The following IL13 variants were observed in gnomAD, a reference collection of about 807,000 sequenced individuals.
IL13 encodes the protein interleukin 13.
IL13 carries 9 observed loss-of-function variants against 11.1 expected under a neutral mutation model. The observed-to-expected ratio is 0.81, with a 90% CI of 0.49 to 1.42. The LOEUF (loss-of-function observed/expected upper bound fraction) is 1.42. Ranked by LOEUF, IL13 falls within the 40% of genes most tolerant of loss-of-function variation. The pLI, the probability that IL13 is intolerant of heterozygous loss-of-function variation, is 0.00. For missense variants in IL13, 181 were observed against 182.5 expected, an observed-to-expected ratio of 0.99 and a Z score of 0.05; for synonymous variants, 75 against 76.9, an observed-to-expected ratio of 0.97 and a Z score of 0.13.
chr5:132,657,358 A>G (rs1194047336), upstream of IL13: 2 of 152,272 alleles, frequency 1.3e-5, no homozygotes, highest in African/African-American at 4.8e-5. Flanking sequence ...AGGATGGCCC[A>G]TACACTTTAA....
In IL13 at chr5:132,659,108, C is replaced by A. The variant is rs887277958; in HGVS notation, c.175-310C>A. On this transcript the variant is annotated intron_variant, in intron 1 of 3. Transcript: ENST00000304506. The surrounding 1 kb of genome is among the most constrained non-coding windows in gnomAD (Gnocchi z 4.1). ...GCCACTCCTACTTCACTCGTCCCCA[C>A]CCTGGCCCTTCCCGCAGGCCCCTGT... 4 of 386,166 alleles carry A rather than the reference C, an allele frequency of 1.0e-5. No homozygotes were observed. Among genetic ancestry groups the A allele is most frequent in the Non-Finnish European group, 2.0e-5 (4 of 202,748 alleles). 23.9% of individuals were successfully genotyped at this position (386,166 alleles called of 1,614,324 possible).
chr5:132,659,515 G>A lies in IL13; in HGVS notation c.228+44G>A, dbSNP rs200375404. On this transcript the variant is annotated intron_variant, in intron 2 of 3. Coordinates refer to ENST00000304506, the MANE Select transcript of IL13 (RefSeq NM_002188.3). This position sits in a 1 kb window ranked among gnomAD's most constrained non-coding sequence, Gnocchi z 4.1. Reference sequence around the variant, plus strand: ...AGGGAGGATGGGGCAGAGGCTCCAGGCCTTGGGCTTATCTTCTCTGAGCCT... The same window carrying A: ...AGGGAGGATGGGGCAGAGGCTCCAGACCTTGGGCTTATCTTCTCTGAGCCT... The A allele has an allele frequency of 1.1e-5, 17 of 1,581,704 alleles. No individual in the cohort carries two copies. Among genetic ancestry groups the A allele is most frequent in the African/African-American group, 1.3e-5 (1 of 74,406 alleles).
Position 132,659,883 on chromosome 5 carries a change from G to A in IL13, c.333+55G>A. 6.3e-7 allele frequency: 1 copy of A among 1,592,220 alleles called. No individual in the cohort carries two copies. ...CCCTGCACCCCCTCCTGCCAACCCT[G>A]GGCTCGCTGAAGGGAAGCTGGCTGA... On this transcript the variant is annotated intron_variant, in intron 3 of 3. Coordinates refer to ENST00000304506, the MANE Select transcript of IL13 (RefSeq NM_002188.3). This position sits in a 1 kb window ranked among gnomAD's most constrained non-coding sequence, Gnocchi z 4.1.
upstream of IL13, chr5:132,658,116 T>C: frequency 1.3e-6 from 1 of 769,140 alleles, no homozygotes. Flanking sequence ...GCAGAGACCA[T>C]GGTGTCAGGC....
chr5:132,660,604 C>A lies in IL13; in HGVS notation c.*322C>A. The stretch of plus-strand genomic sequence containing the variant: ...TACAGTGGGTGCCCCCCTTGCCAGA[C>A]ATGTGGTGGGACAGGGACCCACTTC... On this transcript the variant is annotated 3_prime_UTR_variant, in exon 4 of 4. Coordinates refer to ENST00000304506, the MANE Select transcript of IL13 (RefSeq NM_002188.3). The A allele has an allele frequency of 3.9e-6, 1 of 259,202 alleles. No homozygotes were observed. The highest frequency in any genetic ancestry group is 7.4e-6 in the Non-Finnish European group (1 of 134,406). The allele number at this position is 259,202 out of a possible 1,614,324, so 16.1% of individuals were successfully genotyped here. A position where few individuals can be genotyped will look rare whatever the true frequency, so the allele number is the denominator to read the frequency against.
At chr5:132,657,462 G>C (rs55650044), upstream of IL13, among the ~76,000 whole-genome samples, 45 of 152,164 alleles carry the variant, frequency 3.0e-4, no homozygotes, top group Admixed American at 7.8e-4. Flanking sequence ...GGCCAGCCTA[G>C]GCAGGCAACA....
In IL13 at chr5:132,659,613, G is replaced by A. The variant is rs552473475; in HGVS notation, c.229-111G>A. 47 of 1,586,200 alleles carry A rather than the reference G, an allele frequency of 3.0e-5. No homozygotes were observed. Among genetic ancestry groups the A allele is most frequent in the African/African-American group, 2.0e-4 (15 of 74,284 alleles). On this transcript the variant is annotated intron_variant, in intron 2 of 3. Transcript: ENST00000304506. The surrounding 1 kb of genome is among the most constrained non-coding windows in gnomAD (Gnocchi z 4.1). Reference sequence around the variant, plus strand: ...TCCCGCCATAATCTGGCCCCTTCCCGCCCACCACCCAGACTCACCTGCGCC... The same window carrying A: ...TCCCGCCATAATCTGGCCCCTTCCCACCCACCACCCAGACTCACCTGCGCC...
chr5:132,661,040 G>C lies in IL13; in HGVS notation c.*758G>C, dbSNP rs1752149292. On this transcript the variant is annotated 3_prime_UTR_variant, in exon 4 of 4. Transcript: ENST00000304506. ...TATAGAAGGGTACCTTGAACACTGG[G>C]GGAGGGGACATTGAACAAGTTGTTT... The C allele has an allele frequency of 6.6e-6, 1 of 152,472 alleles. No individual in the cohort carries two copies. Among genetic ancestry groups the C allele is most frequent in the Non-Finnish European group, 1.5e-5 (1 of 68,060 alleles). 9.4% of individuals were successfully genotyped at this position (152,472 alleles called of 1,614,324 possible). A position where few individuals can be genotyped will look rare whatever the true frequency, so the allele number is the denominator to read the frequency against.
In IL13 at chr5:132,659,108, C is replaced by T; in HGVS notation, c.175-310C>T. 2.6e-6 allele frequency: 1 copy of T among 386,284 alleles called. No individual in the cohort carries two copies. 23.9% of individuals were successfully genotyped at this position (386,284 alleles called of 1,614,324 possible). On this transcript the variant is annotated intron_variant, in intron 1 of 3. Transcript: ENST00000304506. This position sits in a 1 kb window ranked among gnomAD's most constrained non-coding sequence, Gnocchi z 4.1. ...GCCACTCCTACTTCACTCGTCCCCACCCTGGCCCTTCCCGCAGGCCCCTGT... is the reference window on the plus strand; with the variant it reads ...GCCACTCCTACTTCACTCGTCCCCATCCTGGCCCTTCCCGCAGGCCCCTGT...
chr5:132,657,952 G>A (rs945322933), upstream of IL13, among the ~76,000 whole-genome samples: 2 of 152,154 alleles, frequency 1.3e-5, no homozygotes, highest in African/African-American at 4.8e-5. Context: ...GCCTGCCGCT[G>A]GAATTAAACC....
In IL13 at chr5:132,659,444, A is replaced by G; in HGVS notation, c.201A>G (p.Val67=). The G allele has an allele frequency of 6.2e-7, 1 of 1,612,004 alleles. No homozygotes were observed. The highest frequency in any genetic ancestry group is 8.5e-7 in the Non-Finnish European group (1 of 1,178,918). Residue 67 remains valine, a synonymous_variant, in exon 2 of 4, where the codon GTA becomes GTG. Transcript: ENST00000304506. This position sits in a 1 kb window ranked among gnomAD's most constrained non-coding sequence, Gnocchi z 4.1. ...QKAPLCNGSM[V]WSINLTAGMY... Reference sequence around the variant, plus strand: ...CTCCGCTCTGCAATGGCAGCATGGTATGGAGCATCAACCTGACAGCTGGCA... The same window carrying G: ...CTCCGCTCTGCAATGGCAGCATGGTGTGGAGCATCAACCTGACAGCTGGCA...
chr5:132,660,269 G>A lies in IL13; in HGVS notation c.428G>A (p.Gly143Glu), dbSNP rs1365650729. ...CATTTAAAGAAACTTTTTCGCGAGG[G>A]ACAGTTCAACTGAAACTTCGAAAGC... The part of the protein sequence containing the change: ...LLHLKKLFRE[G>E]QFN The change falls in exon 4 of 4, where the codon GGA becomes GAA. Residue 143 changes from glycine to glutamate, a missense_variant. By Grantham distance (98) the Gly-to-Glu change is moderately conservative. Transcript: ENST00000304506. The A allele has an allele frequency of 1.2e-6, 2 of 1,613,898 alleles. No homozygotes were observed. The highest frequency in any genetic ancestry group is 2.7e-5 in the African/African-American group (2 of 74,924).
chr5:132,658,039 C>T, upstream of IL13: 1 of 563,484 alleles, frequency 1.8e-6, no homozygotes, highest in South Asian at 2.5e-5. Context: ...CTTTATGCGA[C>T]ACTGGATTTT....
intron 1 of IL13, chr5:132,658,769 C>T (rs951530716): frequency 2.6e-5 from 5 of 189,192 alleles, no homozygotes; most frequent in Non-Finnish European, 4.4e-5. Flanking sequence ...CAGGAGGATT[C>T]CTTAGTAGAG....
chr5:132,659,169 C>T lies in IL13; in HGVS notation c.175-249C>T, dbSNP rs776940401. 2.0e-6 allele frequency: 1 copy of T among 501,556 alleles called. No homozygotes were observed. Among genetic ancestry groups the T allele is most frequent in the Non-Finnish European group, 3.7e-6 (1 of 273,146 alleles). The allele number at this position is 501,556 out of a possible 1,614,324, so 31.1% of individuals were successfully genotyped here. Reference sequence around the variant, plus strand: ...TGACTATGGCAAGCCTTGCATGCAGCTTGTCCCTTACTAGTGGTGTCAATT... The same window carrying T: ...TGACTATGGCAAGCCTTGCATGCAGTTTGTCCCTTACTAGTGGTGTCAATT... On this transcript the variant is annotated intron_variant, in intron 1 of 3. Transcript: ENST00000304506. This position sits in a 1 kb window ranked among gnomAD's most constrained non-coding sequence, Gnocchi z 4.1.
In IL13 at chr5:132,659,044, C is replaced by T. The variant is rs1169710372; in HGVS notation, c.175-374C>T. On this transcript the variant is annotated intron_variant, in intron 1 of 3. Coordinates refer to ENST00000304506, the MANE Select transcript of IL13 (RefSeq NM_002188.3). This position sits in a 1 kb window ranked among gnomAD's most constrained non-coding sequence, Gnocchi z 4.1. ...GGCATTTAATACACCAGATCCCCAC[C>T]GCCTCCCATCTGATTTGTCTTGGTC... The T allele has an allele frequency of 4.1e-5, 11 of 265,214 alleles. No individual in the cohort carries two copies. Among genetic ancestry groups the T allele is most frequent in the South Asian group, 3.2e-4 (6 of 18,886 alleles). 16.4% of individuals were successfully genotyped at this position (265,214 alleles called of 1,614,324 possible).
Position 132,659,702 on chromosome 5 carries a change from C to A in IL13, c.229-22C>A, listed in dbSNP as rs201469726. The A allele has an allele frequency of 1.1e-5, 17 of 1,611,744 alleles. No homozygotes were observed. The East Asian group carries it at 3.3e-4, about 32-fold the overall frequency. Reference sequence around the variant, plus strand: ...GCAGCTGCCCAAGCAGGGCCTGACCCCTCGGTGTCCCCTCCCCACAGTACT... The same window carrying A: ...GCAGCTGCCCAAGCAGGGCCTGACCACTCGGTGTCCCCTCCCCACAGTACT... On this transcript the variant is annotated intron_variant, in intron 2 of 3. Transcript: ENST00000304506. The surrounding 1 kb of genome is among the most constrained non-coding windows in gnomAD (Gnocchi z 4.1).
In IL13 at chr5:132,659,652, C is replaced by T; in HGVS notation, c.229-72C>T. On this transcript the variant is annotated intron_variant, in intron 2 of 3. Transcript: ENST00000304506. This position sits in a 1 kb window ranked among gnomAD's most constrained non-coding sequence, Gnocchi z 4.1. ...CTCACCTGCGCCAGGCATCTCAGCCCCATCTTCCTGCAGACTCACAAAAGG... is the reference window on the plus strand; with the variant it reads ...CTCACCTGCGCCAGGCATCTCAGCCTCATCTTCCTGCAGACTCACAAAAGG... 6.2e-7 allele frequency: 1 copy of T among 1,600,742 alleles called. No homozygotes were observed. Among genetic ancestry groups the T allele is most frequent in the African/African-American group, 1.3e-5 (1 of 74,842 alleles).
At chr5:132,658,747 G>T in intron 1 of IL13, 1 of 194,170 alleles carries the variant, frequency 5.2e-6, no homozygotes, top group Non-Finnish European at 1.1e-5. Flanking sequence ...CACCATCATA[G>T]GCCCGCCCTT....
Sources: allele counts gnomAD v4.1 joint callset (sites outside exome capture counted in the v4.1 genomes callset), GRCh38; gene constraint gnomAD v4.1.1; non-coding constraint Gnocchi (gnomAD v3.1); transcripts MANE v1.5; gene names NCBI Gene and HGNC (gene_info 2026-07-23, HGNC 2026-07-21).